ZHX3: variants seen among roughly 807,000 people sequenced by gnomAD.
ZHX3 encodes zinc fingers and homeoboxes protein 3.
In ZHX3, 20 loss-of-function variants were observed where a neutral mutation model predicts 64.5. The observed-to-expected ratio is 0.31, with a 90% confidence interval of 0.22 to 0.45. ZHX3 has a LOEUF of 0.45. Among genes scored for constraint, ZHX3 ranks in the 20% least tolerant of loss-of-function variants. The pLI is 1.00. For missense variants in ZHX3, 1,041 were observed against 1,195.8 expected, an observed-to-expected ratio of 0.87 and a Z score of 1.91; for synonymous variants, 423 against 461.6, an observed-to-expected ratio of 0.92 and a Z score of 1.07.
chr20:41,249,815 G>A (rs1410356994), intron 2 of ZHX3, among the ~76,000 whole-genome samples: 2 of 152,174 alleles, frequency 1.3e-5, no homozygotes, highest in African/African-American at 4.8e-5. Flanking sequence ...AAAGAAAAAG[G>A]AAGGTGAATT....
chr20:41,302,814 T>G (rs962974042), intron 1 of ZHX3, among the ~76,000 whole-genome samples: 3 of 152,182 alleles, frequency 2.0e-5, no homozygotes, highest in Admixed American at 6.5e-5. Context: ...TCCCCACAGG[T>G]GACTGGATTT....
At chr20:41,199,631 A>G (rs2038052455) in intron 3 of ZHX3, among the ~76,000 whole-genome samples, 1 of 151,788 alleles carries the variant, frequency 6.6e-6, no homozygotes, top group Non-Finnish European at 1.5e-5. Flanking sequence ...GCCCAAGGGC[A>G]TTGAGACAAT....
chr20:41,305,236 T>C lies in ZHX3; in HGVS notation c.-245+12273A>G, dbSNP rs12481273. ...GAGGGAACATTAAAACAACAGAAAG[T>C]TGGCTGGGAGCGGTGGTTCATGCCT... On this transcript the variant is annotated intron_variant, in intron 1 of 3. Coordinates refer to ENST00000683867, the MANE Select transcript of ZHX3 (RefSeq NM_001384317.1). 0.044 allele frequency among the ~76,000 whole-genome samples: 6,676 copies of C among 152,268 alleles called. 776 individuals are homozygous for C. The East Asian group carries it at 0.49, about 11-fold the overall frequency.
intron 2 of ZHX3, among the ~76,000 whole-genome samples, chr20:41,260,972 T>G (rs1391430513): frequency 3.3e-5 from 5 of 152,228 alleles, no homozygotes; most frequent in Non-Finnish European, 7.3e-5. Context: ...AATTGTCATC[T>G]ACAGGAAAGA....
chr20:41,216,227 A>G (rs2039523829), intron 2 of ZHX3, among the ~76,000 whole-genome samples: 1 of 152,198 alleles, frequency 6.6e-6, no homozygotes, highest in African/African-American at 2.4e-5. Flanking sequence ...ATAAAAATTC[A>G]TAGGTAGCAT....
Position 41,196,396 on chromosome 20 carries a change from T to TTATATTATAA in ZHX3, c.2860+5660_2860+5661insTTATAATATA, listed in dbSNP as rs1568795861. ...TTTATATAACATAAATATATATTTA[T>TTATATTATAA]ATATATTATATATTATATATAATAT... On this transcript the variant is annotated intron_variant, in intron 3 of 3. Transcript: ENST00000683867. Among the ~76,000 whole-genome samples, 10 of 48,688 alleles carry TTATATTATAA rather than the reference T, an allele frequency of 2.1e-4. 1 individual carries two copies. Among genetic ancestry groups the TTATATTATAA allele is most frequent in the African/African-American group, 1.4e-3 (10 of 7,116 alleles). 31.9% of individuals were successfully genotyped at this position (48,688 alleles called of 152,430 possible). A position where few individuals can be genotyped will look rare whatever the true frequency, so the allele number is the denominator to read the frequency against.
intron 2 of ZHX3, among the ~76,000 whole-genome samples, chr20:41,216,350 A>C (rs1013245118): frequency 6.6e-6 from 1 of 152,184 alleles, no homozygotes; most frequent in Non-Finnish European, 1.5e-5. Context: ...AAAAGTGAAA[A>C]TCCTTCCTAT....
intron 2 of ZHX3, among the ~76,000 whole-genome samples, chr20:41,251,831 A>G (rs777279755): frequency 1.3e-5 from 2 of 152,064 alleles, no homozygotes; most frequent in African/African-American, 2.4e-5. Flanking sequence ...AAAGTGAGAT[A>G]CAAAATATAT....
intron 2 of ZHX3, among the ~76,000 whole-genome samples, chr20:41,264,601 A>G (rs936077745): frequency 6.6e-6 from 1 of 151,648 alleles, no homozygotes; most frequent in Non-Finnish European, 1.5e-5. Context: ...ACCCCTAAAA[A>G]GTAGTCAATT....
At chr20:41,311,228 C>G (rs998906991) in intron 1 of ZHX3, among the ~76,000 whole-genome samples, 3 of 152,126 alleles carry the variant, frequency 2.0e-5, no homozygotes, top group Non-Finnish European at 2.9e-5. Flanking sequence ...CAAGTCTTTT[C>G]TTGAGGATTT....
chr20:41,229,476 A>G (rs899346461), intron 2 of ZHX3, among the ~76,000 whole-genome samples: 15 of 152,164 alleles, frequency 9.9e-5, no homozygotes, highest in Non-Finnish European at 7.4e-5. Flanking sequence ...AGGAATTGCC[A>G]TACTGTTTTC....
chr20:41,231,891 A>G, intron 2 of ZHX3, among the ~76,000 whole-genome samples: 1 of 152,238 alleles, frequency 6.6e-6, no homozygotes, highest in South Asian at 2.1e-4. Flanking sequence ...AATAATATTT[A>G]TAAAGTATAT....
rs566855614 is a variant in ZHX3 at position 41,184,685 on chromosome 20, C to T, written c.*506G>A. The stretch of plus-strand genomic sequence containing the variant: ...AAGGGGTTCCAGACGTAGCTTTGTG[C>T]CTATAACTTCCCTGCCTGACTGTGG... On this transcript the variant is annotated 3_prime_UTR_variant, in exon 4 of 4. Coordinates refer to ENST00000683867, the MANE Select transcript of ZHX3 (RefSeq NM_001384317.1). 27 of 566,450 alleles carry T rather than the reference C, an allele frequency of 4.8e-5. No homozygotes were observed. The South Asian group carries it at 5.5e-4, about 12-fold the overall frequency. 35.1% of individuals were successfully genotyped at this position (566,450 alleles called of 1,614,324 possible). A position where few individuals can be genotyped will look rare whatever the true frequency, so the allele number is the denominator to read the frequency against.
chr20:41,245,482 G>A (rs986637031), intron 2 of ZHX3, among the ~76,000 whole-genome samples: 14 of 152,340 alleles, frequency 9.2e-5, no homozygotes, highest in African/African-American at 3.4e-4. Context: ...CCAGGCACAG[G>A]CCCCAGTGAT....
chr20:41,310,836 G>A, intron 1 of ZHX3, among the ~76,000 whole-genome samples: 1 of 109,726 alleles, frequency 9.1e-6, no homozygotes, highest in South Asian at 3.0e-4. Flanking sequence ...TTGAGACAGA[G>A]TCTTGCTCTG....
chr20:41,212,590 G>A lies in ZHX3; in HGVS notation c.-150-7524C>T, dbSNP rs892037270. Among the ~76,000 whole-genome samples the A allele has an allele frequency of 6.6e-6, 1 of 152,052 alleles. No homozygotes were observed. Among genetic ancestry groups the A allele is most frequent in the African/African-American group, 2.4e-5 (1 of 41,410 alleles). ...AGGCGGGCGGATCACCAGAGGTCAG[G>A]AGTTCAAGATCAGCCTGACCAACAT... On this transcript the variant is annotated intron_variant, in intron 2 of 3. Transcript: ENST00000683867. This position sits in a 1 kb window ranked among gnomAD's most constrained non-coding sequence, Gnocchi z 4.3.
intron 1 of ZHX3, among the ~76,000 whole-genome samples, chr20:41,296,535 T>C (rs1055429891): frequency 6.6e-6 from 1 of 152,084 alleles, no homozygotes; most frequent in Non-Finnish European, 1.5e-5. Context: ...GCTCAAGAAA[T>C]GCTCATCTCA....
At position 41,210,262 on chromosome 20, in the gene ZHX3, G is replaced by C. The variant is rs560106079; in HGVS notation, c.-150-5196C>G. Among the ~76,000 whole-genome samples the C allele has an allele frequency of 1.3e-4, 20 of 152,308 alleles. No individual in the cohort carries two copies. In the South Asian group the frequency reaches 3.5e-3, roughly 27 times the overall value. ...ACACTGTTGGTGGGACTGTAAACTA[G>C]TTCAACCATTGTGGAAGACAGTGTG... On this transcript the variant is annotated intron_variant, in intron 2 of 3. Coordinates refer to ENST00000683867, the MANE Select transcript of ZHX3 (RefSeq NM_001384317.1).
intron 1 of ZHX3, among the ~76,000 whole-genome samples, chr20:41,289,809 TG>T (rs1254534100): frequency 2.0e-5 from 3 of 150,836 alleles, no homozygotes; most frequent in African/African-American, 7.3e-5. Flanking sequence ...ATATTCCAAG[TG>T]CCTAGCGGAA....
Sources: allele counts gnomAD v4.1 joint callset (sites outside exome capture counted in the v4.1 genomes callset), GRCh38; gene constraint gnomAD v4.1.1; non-coding constraint Gnocchi (gnomAD v3.1); transcripts MANE v1.5; gene names NCBI Gene and HGNC (gene_info 2026-07-23, HGNC 2026-07-21).